Variants in PSME4 observed in about 807,000 individuals in gnomAD.
PSME4 encodes the protein proteasome activator complex subunit 4.
Under a neutral mutation model 253.9 loss-of-function variants are expected in PSME4, and 89 were observed. That is an observed-to-expected ratio of 0.35 (90% CI 0.30 to 0.42). PSME4 has a LOEUF of 0.42. PSME4 is among the 10% of genes least tolerant of loss of function. PSME4 has a pLI of 1.00. For synonymous variants in PSME4, 851 were observed against 759.2 expected, an observed-to-expected ratio of 1.12 and a Z score of -1.99; for missense variants, 2,014 against 2,195.2, an observed-to-expected ratio of 0.92 and a Z score of 1.65.
intron 24 of PSME4, 87 bp downstream of exon 24, chr2:53,908,233 C>G: frequency 9.9e-7 from 1 of 1,006,994 alleles, no homozygotes; most frequent in Non-Finnish European, 1.4e-6. Context: ...AGGAAAACTT[C>G]TTCTATATGC....
In PSME4 at chr2:53,949,153, T is replaced by A. The variant is rs1301213328; in HGVS notation, c.373A>T (p.Asn125Tyr). ...TGGAAAAAGACTTACTTTAACAAGT[T>A]GATCAAAAGGCGGGCAAATCCCTGC... ...MMQGFARLLI[N>Y]LLKKKELLSR... Residue 125 changes from asparagine to tyrosine, a missense_variant, in exon 2 of 47, where the codon AAC (asparagine) becomes TAC (tyrosine). This residue lies in a region of PSME4 where 615 missense variants were observed against 594.4 expected (regional missense o/e 1.03). Transcript: ENST00000404125. 9 of 1,594,828 alleles carry A rather than the reference T, an allele frequency of 5.6e-6. No individual in the cohort carries two copies. The highest frequency in any genetic ancestry group is 7.7e-6 in the Non-Finnish European group (9 of 1,170,786).
At chr2:53,918,151 A>G (rs997609302) in intron 20 of PSME4, among the ~76,000 whole-genome samples, 2 of 152,202 alleles carry the variant, frequency 1.3e-5, no homozygotes, top group Non-Finnish European at 2.9e-5. Flanking sequence ...TTGGAAAATC[A>G]GTAAATCATT....
chr2:53,967,485 T>C (rs919340476), intron 1 of PSME4, among the ~76,000 whole-genome samples: 1 of 150,866 alleles, frequency 6.6e-6, no homozygotes, highest in South Asian at 2.1e-4. Flanking sequence ...CTACTAAAAA[T>C]ACAAAAATTA....
chr2:53,868,486 T>A (rs1450116744), intron 44 of PSME4, among the ~76,000 whole-genome samples: 1 of 108,820 alleles, frequency 9.2e-6, no homozygotes, highest in African/African-American at 3.7e-5. Flanking sequence ...ATTTATAATA[T>A]ATATATATAT....
intron 1 of PSME4, among the ~76,000 whole-genome samples, chr2:53,964,179 C>T (rs937451115): frequency 2.0e-5 from 3 of 151,804 alleles, no homozygotes; most frequent in African/African-American, 4.8e-5. Context: ...CTCTGGAAAA[C>T]AGTAAGGGCC....
intron 1 of PSME4, among the ~76,000 whole-genome samples, chr2:53,964,122 T>C (rs1475902774): frequency 6.6e-6 from 1 of 152,106 alleles, no homozygotes; most frequent in Non-Finnish European, 1.5e-5. Context: ...GCCAATTAAC[T>C]AGTGAAAAGA....
intron 44 of PSME4, 59 bp from the exon 45 acceptor site, chr2:53,866,939 C>A: frequency 6.7e-7 from 1 of 1,487,776 alleles, no homozygotes; most frequent in Non-Finnish European, 9.1e-7. Context: ...GCACTTGTTA[C>A]AGTGAGATAA....
intron 15 of PSME4, 68 bp from the exon 16 acceptor site, chr2:53,923,186 G>A: frequency 6.8e-7 from 1 of 1,474,700 alleles, no homozygotes; most frequent in Non-Finnish European, 9.3e-7. Context: ...TATTTTCAGT[G>A]GCAGTAAAAG....
In PSME4 at chr2:53,893,047, C is replaced by T. The variant is rs555991344; in HGVS notation, c.4039-87G>A. 6.2e-6 allele frequency: 8 copies of T among 1,292,618 alleles called. No homozygotes were observed. The East Asian group carries it at 7.4e-5, about 12-fold the overall frequency. The allele number at this position is 1,292,618 out of a possible 1,614,324, so 80.1% of individuals were successfully genotyped here. A position where few individuals can be genotyped will look rare whatever the true frequency, so the allele number is the denominator to read the frequency against. Reference sequence around the variant, plus strand: ...TTGTAATTATTCTGTACATTACTAACGTGCTTAAAAGCTCCAAGCACACTC... The same window carrying T: ...TTGTAATTATTCTGTACATTACTAATGTGCTTAAAAGCTCCAAGCACACTC... On this transcript the variant is annotated intron_variant, in intron 35 of 46. Coordinates refer to ENST00000404125, the MANE Select transcript of PSME4 (RefSeq NM_014614.3).
At chr2:53,943,450 C>T (rs994371386) in intron 3 of PSME4, among the ~76,000 whole-genome samples, 1 of 152,180 alleles carries the variant, frequency 6.6e-6, no homozygotes, top group Admixed American at 6.5e-5. Context: ...ATCTTATCTT[C>T]AAAATCTAAT....
At chr2:53,897,263 G>A (rs1181275194) in intron 31 of PSME4, among the ~76,000 whole-genome samples, 4 of 144,330 alleles carry the variant, frequency 2.8e-5, no homozygotes, top group African/African-American at 1.0e-4. Flanking sequence ...TCCCCCTCCC[G>A]GGTTCAAGCG....
chr2:53,963,408 C>G (rs117547159), intron 1 of PSME4, among the ~76,000 whole-genome samples: 1 of 152,094 alleles, frequency 6.6e-6, no homozygotes, highest in African/African-American at 2.4e-5. Flanking sequence ...ACATCCCAAA[C>G]GCCAAAACCA....
intron 3 of PSME4, among the ~76,000 whole-genome samples, chr2:53,946,675 C>T (rs987108197): frequency 2.6e-5 from 4 of 152,212 alleles, no homozygotes; most frequent in Non-Finnish European, 5.9e-5. Context: ...GCGGGAGGAT[C>T]ACTTGAGCCC....
In PSME4 at chr2:53,866,795, C is replaced by T. The variant is rs746277009; in HGVS notation, c.5349G>A (p.Gln1783=). 1 of 1,613,906 alleles carries T rather than the reference C, an allele frequency of 6.2e-7. No homozygotes were observed. The highest frequency in any genetic ancestry group is 2.2e-5 in the East Asian group (1 of 44,874). The change falls in exon 45 of 47, where the codon CAG becomes CAA. Residue 1783 remains glutamine, a synonymous_variant. Transcript: ENST00000404125. ...GATGTGCACTGAGATTCATGAGGAG[C>T]TGGGGCATCCAGGTGGGAACATCGT... is the stretch of plus-strand genomic sequence containing the variant. ...SPYDVPTWMP[Q]LLMNLSAHLN... is the part of the protein sequence containing the mutation.
At chr2:53,882,896 A>C (rs1475762416) in intron 41 of PSME4, among the ~76,000 whole-genome samples, 1 of 133,646 alleles carries the variant, frequency 7.5e-6, no homozygotes, top group African/African-American at 2.7e-5. Flanking sequence ...CATTTGAGGA[A>C]ATACAAAAAA....
rs186851328 is a variant in PSME4, at chr2:53,949,279, T to C, written c.247A>G (p.Ile83Val). The change falls in exon 2 of 47, where the codon ATT becomes GTT. Residue 83 changes from isoleucine (I) to valine (V), a missense_variant. Ile to Val is a conservative substitution (Grantham distance 29). This residue lies in a region of PSME4 where 615 missense variants were observed against 594.4 expected (regional missense o/e 1.03). Transcript: ENST00000404125. Reference protein sequence around the residue: ...LFWTRKLSTYIRLYGRKFSKE... With the variant: ...LFWTRKLSTYVRLYGRKFSKE... Reference sequence around the variant, plus strand: ...CTAAATTTTCTCCCATAAAGTCGAATATATCTGCAAGAGAAAAATAGATAT... The same window carrying C: ...CTAAATTTTCTCCCATAAAGTCGAACATATCTGCAAGAGAAAAATAGATAT... 61 of 1,582,440 alleles carry C rather than the reference T, an allele frequency of 3.9e-5. No individual in the cohort carries two copies. The highest frequency in any genetic ancestry group is 2.6e-4 in the Admixed American group (15 of 57,398).
Position 53,892,914 on chromosome 2 carries a change from G to A in PSME4, c.4085C>T (p.Pro1362Leu). ...FDDAFLPVLK[P>L]HLEHLVADSH... ...ATCTGCAACCAAATGTTCTAAATGGGGCTTCAGAACTGGCAGGAAGGCATC... is the reference window on the plus strand; with the variant it reads ...ATCTGCAACCAAATGTTCTAAATGGAGCTTCAGAACTGGCAGGAAGGCATC... The change falls in exon 36 of 47, where the codon CCC (proline) becomes CTC (leucine). Residue 1362 changes from proline to leucine, a missense_variant. By Grantham distance (98) the Pro-to-Leu change is moderately conservative. Coordinates refer to ENST00000404125, the MANE Select transcript of PSME4 (RefSeq NM_014614.3). 1 of 1,613,562 alleles carries A rather than the reference G, an allele frequency of 6.2e-7. No homozygotes were observed. The highest frequency in any genetic ancestry group is 8.5e-7 in the Non-Finnish European group (1 of 1,179,784).
intron 29 of PSME4, among the ~76,000 whole-genome samples, chr2:53,898,617 C>A (rs1193308895): frequency 1.4e-5 from 2 of 141,284 alleles, no homozygotes; most frequent in East Asian, 4.4e-4. Flanking sequence ...AAGTAGTAAT[C>A]AATTAATTGG....
intron 14 of PSME4, among the ~76,000 whole-genome samples, chr2:53,923,871 C>T (rs912487534): frequency 7.4e-6 from 1 of 134,380 alleles, no homozygotes; most frequent in African/African-American, 2.9e-5. Context: ...TGCAGTGAGC[C>T]GAGATCGCGA....
Sources: gnomAD v4.1 joint callset for allele counts (sites outside exome capture counted in the v4.1 genomes callset) on GRCh38, gnomAD v4.1.1 for gene constraint, gnomAD v4.1.1 regional missense constraint, MANE v1.5 for transcripts, NCBI Gene and HGNC (gene_info 2026-07-23, HGNC 2026-07-21) for gene names.